LRP5: variants seen among roughly 807,000 people sequenced by gnomAD.
LRP5 encodes low-density lipoprotein receptor-related protein 5.
LRP5 carries 62 observed loss-of-function variants against 154.1 expected under a neutral mutation model. The ratio of observed to expected loss-of-function variants is 0.40; its 90% confidence interval spans 0.33 to 0.50. LRP5 has a LOEUF of 0.50. Among genes scored for constraint, LRP5 ranks in the 20% least tolerant of loss-of-function variants. The pLI is 0.55. For synonymous variants in LRP5, 966 were observed against 1,011.5 expected (o/e 0.96, Z 0.85); for missense variants, 1,915 against 2,336.7 (o/e 0.82, Z 3.72).
At chr11:68,392,538 G>A (rs74463634) in intron 7 of LRP5, among the ~76,000 whole-genome samples, 1,840 of 152,094 alleles carry the variant, frequency 0.012, 33 homozygotes, top group African/African-American at 0.042. Flanking sequence ...TTTAAAAAGT[G>A]AACAATTCAG....
In LRP5 at chr11:68,312,646, A is replaced by G. The variant is rs2098589055; in HGVS notation, c.-69A>G. The G allele has an allele frequency of 7.0e-6, 5 of 711,964 alleles. No homozygotes were observed. The South Asian group carries it at 1.8e-4, about 25-fold the overall frequency. 44.1% of individuals were successfully genotyped at this position (711,964 alleles called of 1,614,324 possible). A position where few individuals can be genotyped will look rare whatever the true frequency, so the allele number is the denominator to read the frequency against. On this transcript the variant is annotated 5_prime_UTR_variant, in exon 1 of 23. Coordinates refer to ENST00000294304, the MANE Select transcript of LRP5 (RefSeq NM_002335.4). ...AGGCGGAGGCGCCGGGAGCCGCGCG[A>G]GGAGCCGCCGCCGCCGCGCCATGGA...
rs138003297 is a variant in LRP5, at chr11:68,407,500, A to T, written c.2091+687A>T. Among the ~76,000 whole-genome samples the T allele has an allele frequency of 5.0e-4, 75 of 151,110 alleles. 1 individual carries two copies. Among genetic ancestry groups the T allele is most frequent in the African/African-American group, 1.7e-3 (72 of 41,242 alleles). On this transcript the variant is annotated intron_variant, in intron 9 of 22. Transcript: ENST00000294304. ...GAAAACTTTTTGCCTTCTAAAGAAG[A>T]GTTTAGCAAACTAGTCTGTGGGCTG... is the stretch of plus-strand genomic sequence containing the variant.
chr11:68,350,571 G>A (rs1472219676), intron 2 of LRP5, among the ~76,000 whole-genome samples: 1 of 152,246 alleles, frequency 6.6e-6, no homozygotes, highest in African/African-American at 2.4e-5. Flanking sequence ...TGACTCCCAT[G>A]GTGCCGGCTG....
At chr11:68,367,196 C>T (rs535728362) in intron 5 of LRP5, among the ~76,000 whole-genome samples, 56 of 152,286 alleles carry the variant, frequency 3.7e-4, no homozygotes, top group Admixed American at 4.6e-4. Flanking sequence ...TCCTGAGTGA[C>T]CTGGCGACAC....
intron 1 of LRP5, among the ~76,000 whole-genome samples, chr11:68,331,388 G>A (rs1289583895): frequency 6.6e-6 from 1 of 152,224 alleles, no homozygotes; most frequent in South Asian, 2.1e-4. Flanking sequence ...CCCTTGTGGG[G>A]CCAGGCCCTG....
chr11:68,363,656 C>T lies in LRP5; in HGVS notation c.687-91C>T, dbSNP rs1012426207. The T allele has an allele frequency of 1.6e-5, 14 of 877,264 alleles. No individual in the cohort carries two copies. The African/African-American group carries it at 2.1e-4, about 13-fold the overall frequency. The allele number at this position is 877,264 out of a possible 1,614,324, so 54.3% of individuals were successfully genotyped here. On this transcript the variant is annotated intron_variant, in intron 3 of 22. Transcript: ENST00000294304. Reference sequence around the variant, plus strand: ...TGGGCGACAGACCGAGACTCCATCTCAAAAAAAAAAAAAGAAATTAATTGG... The same window carrying T: ...TGGGCGACAGACCGAGACTCCATCTTAAAAAAAAAAAAAGAAATTAATTGG...
Position 68,413,893 on chromosome 11 carries a change from T to C in LRP5, c.2708T>C (p.Leu903Pro). 1 of 1,613,030 alleles carries C rather than the reference T, an allele frequency of 6.2e-7. No individual in the cohort carries two copies. The highest frequency in any genetic ancestry group is 8.5e-7 in the Non-Finnish European group (1 of 1,180,022). The change falls in exon 12 of 23, where the codon CTC (leucine) becomes CCC (proline). Residue 903 changes from leucine to proline, a missense_variant. Physicochemically the swap from Leu to Pro is moderately conservative, Grantham distance 98 (BLOSUM62 -3). Around this residue, in one of 3 missense-constraint regions of LRP5, gnomAD observed 1,094 missense variants for 1,210.1 expected, o/e 0.90. Coordinates refer to ENST00000294304, the MANE Select transcript of LRP5 (RefSeq NM_002335.4). The surrounding 1 kb of genome is among the most constrained non-coding windows in gnomAD (Gnocchi z 5.1). The stretch of plus-strand genomic sequence containing the variant: ...TTCCACTCCTCCCGCCAGGATGGCC[T>C]CAATGACTGTATGCACAACAACGGG... The part of the protein sequence containing the change: ...LVFHSSRQDG[L>P]NDCMHNNGQC...
intron 1 of LRP5, among the ~76,000 whole-genome samples, chr11:68,332,291 A>G (rs1248259109): frequency 1.3e-5 from 2 of 152,222 alleles, no homozygotes; most frequent in African/African-American, 4.8e-5. Flanking sequence ...TTGTCATGCA[A>G]ATGTCAGCAG....
intron 5 of LRP5, among the ~76,000 whole-genome samples, chr11:68,376,904 G>A (rs1182716091): frequency 1.3e-5 from 2 of 152,206 alleles, no homozygotes; most frequent in African/African-American, 4.8e-5. Flanking sequence ...CTGCCCAGGC[G>A]TCATTTGCTC....
intron 1 of LRP5, among the ~76,000 whole-genome samples, chr11:68,346,443 G>A (rs557827188): frequency 3.9e-5 from 6 of 152,374 alleles, no homozygotes; most frequent in East Asian, 3.9e-4. Flanking sequence ...ACCCCACTGC[G>A]CTGGGGTCTC....
chr11:68,348,318 C>T (rs879283665), intron 2 of LRP5, 75 bp downstream of exon 2: 3 of 1,577,578 alleles, frequency 1.9e-6, no homozygotes, highest in Non-Finnish European at 2.6e-6. Flanking sequence ...TTTGCATGAG[C>T]CCAAGTTGTT....
At chr11:68,324,993 C>T (rs1440534867) in intron 1 of LRP5, among the ~76,000 whole-genome samples, 2 of 152,196 alleles carry the variant, frequency 1.3e-5, no homozygotes, top group African/African-American at 2.4e-5. Context: ...CAGGTGAGCT[C>T]TGGGGGTCCC....
At chr11:68,442,246 C>T (rs914700477) in intron 21 of LRP5, among the ~76,000 whole-genome samples, 3 of 152,198 alleles carry the variant, frequency 2.0e-5, no homozygotes, top group Non-Finnish European at 2.9e-5. Flanking sequence ...ACACTGATAA[C>T]GATTCTTTCA....
In LRP5 at chr11:68,433,825, G is replaced by A. The variant is rs762312251; in HGVS notation, c.3987G>A (p.Glu1329=). The A allele has an allele frequency of 1.7e-5, 28 of 1,612,310 alleles. No homozygotes were observed. The East Asian group carries it at 5.8e-4, about 33-fold the overall frequency. ...CAGACTGTCAGGACCGCTCAGACGA[G>A]GCGGACTGTGACGGTGAGGCCCTCC... ...GEADCQDRSD[E]ADCDAICLPN... is the part of the protein sequence containing the mutation. Residue 1329 remains glutamate (E), a synonymous_variant, in exon 18 of 23, where the codon GAG becomes GAA. Coordinates refer to ENST00000294304, the MANE Select transcript of LRP5 (RefSeq NM_002335.4).
intron 7 of LRP5, among the ~76,000 whole-genome samples, chr11:68,397,892 G>T (rs1383466794): frequency 6.6e-6 from 1 of 151,998 alleles, no homozygotes; most frequent in South Asian, 2.1e-4. Context: ...ATGGGACAGG[G>T]TCTGTTGGCT....
chr11:68,406,024 T>C (rs2098655466), intron 8 of LRP5, among the ~76,000 whole-genome samples: 1 of 152,284 alleles, frequency 6.6e-6, no homozygotes, highest in Non-Finnish European at 1.5e-5. Flanking sequence ...TTCCTGACCA[T>C]GCTCCTTTCA....
intron 12 of LRP5, among the ~76,000 whole-genome samples, chr11:68,415,418 C>T (rs1002439589): frequency 9.9e-5 from 15 of 152,198 alleles, no homozygotes; most frequent in African/African-American, 3.1e-4. Context: ...ACTACCATTA[C>T]CTGCCTTCCG....
intron 1 of LRP5, among the ~76,000 whole-genome samples, chr11:68,346,822 T>C (rs960444339): frequency 2.0e-5 from 3 of 152,200 alleles, no homozygotes; most frequent in African/African-American, 7.2e-5. Context: ...CCACATCTTG[T>C]GTTCACTCCT....
chr11:68,413,673 GT>G lies in LRP5; in HGVS notation c.2504-15del. 1 of 1,611,200 alleles carries G rather than the reference GT, an allele frequency of 6.2e-7. No homozygotes were observed. Among genetic ancestry groups the G allele is most frequent in the Non-Finnish European group, 8.5e-7 (1 of 1,178,310 alleles). ...CTGTGCCTTTGCTGACACCGTGCCC[GT>G]GTGTGTTCATGCAGGTCAGGAGCGG... On this transcript the variant is annotated splice_polypyrimidine_tract_variant and intron_variant, in intron 11 of 22. Transcript: ENST00000294304. This position sits in a 1 kb window ranked among gnomAD's most constrained non-coding sequence, Gnocchi z 5.1.
Sources: allele counts gnomAD v4.1 joint callset (sites outside exome capture counted in the v4.1 genomes callset), GRCh38; gene constraint gnomAD v4.1.1; regional missense constraint gnomAD v4.1.1; non-coding constraint Gnocchi (gnomAD v3.1); transcripts MANE v1.5; gene names NCBI Gene and HGNC (gene_info 2026-07-23, HGNC 2026-07-21).